The following HCRTR2 variants were observed in gnomAD, a reference collection of about 807,000 sequenced individuals.
HCRTR2 encodes the protein hypocretin receptor 2, also known as orexin receptor type 2.
Under a neutral mutation model 49.0 loss-of-function variants are expected in HCRTR2, and 22 were observed. The ratio of observed to expected loss-of-function variants is 0.45; its 90% CI spans 0.32 to 0.64. The LOEUF is 0.64. HCRTR2 is among the 30% of genes least tolerant of loss of function. The pLI is 0.04. For missense variants in HCRTR2, 491 were observed against 559.4 expected (o/e 0.88, Z 1.23); for synonymous variants, 236 against 205.3 (o/e 1.15, Z -1.28).
chr6:55,220,684 C>T (rs1028574445), intron 1 of HCRTR2, among the ~76,000 whole-genome samples: 4 of 151,982 alleles, frequency 2.6e-5, no homozygotes, highest in Non-Finnish European at 5.9e-5. Context: ...TTCTCATCAA[C>T]GTATTACTAG....
In HCRTR2 at chr6:55,280,037, A is replaced by G. The variant is rs573717538; in HGVS notation, c.984-286A>G. Reference sequence around the variant, plus strand: ...AAAGAAAATGAAATAAAGAAGATATATATTCAACTTCCATATTCTTATTTA... The same window carrying G: ...AAAGAAAATGAAATAAAGAAGATATGTATTCAACTTCCATATTCTTATTTA... On this transcript the variant is annotated intron_variant, in intron 5 of 6. Transcript: ENST00000370862. 8.9e-4 allele frequency among the ~76,000 whole-genome samples: 135 copies of G among 152,314 alleles called. 1 individual carries two copies. The highest frequency in any genetic ancestry group is 3.1e-3 in the African/African-American group (131 of 41,588).
chr6:55,127,258 A>C (rs1764294420), intron 1 of HCRTR2, among the ~76,000 whole-genome samples: 1 of 152,186 alleles, frequency 6.6e-6, no homozygotes, highest in African/African-American at 2.4e-5. Flanking sequence ...GGAGAAGCAC[A>C]GTATCTGGGC....
chr6:55,284,091 C>T (rs1324384505), downstream of HCRTR2, among the ~76,000 whole-genome samples: 2 of 152,078 alleles, frequency 1.3e-5, no homozygotes, highest in Non-Finnish European at 2.9e-5. Context: ...GATGACAGCA[C>T]TTTAAAAAGT....
intron 1 of HCRTR2, among the ~76,000 whole-genome samples, chr6:55,233,548 C>A (rs1377133481): frequency 6.6e-6 from 1 of 152,086 alleles, no homozygotes; most frequent in Non-Finnish European, 1.5e-5. Context: ...TAAAATAACA[C>A]TAGCCAGGCA....
chr6:55,270,169 T>A (rs1297694159), intron 4 of HCRTR2, among the ~76,000 whole-genome samples: 5 of 152,188 alleles, frequency 3.3e-5, no homozygotes, highest in Admixed American at 6.5e-5. Flanking sequence ...TATTAAATGA[T>A]GTGGTACTAG....
intron 1 of HCRTR2, among the ~76,000 whole-genome samples, chr6:55,246,699 T>C (rs1456000538): frequency 6.6e-6 from 1 of 152,064 alleles, no homozygotes; most frequent in Non-Finnish European, 1.5e-5. Flanking sequence ...CTCTAGTACT[T>C]AATTTTTCTT....
intron 1 of HCRTR2, among the ~76,000 whole-genome samples, chr6:55,157,286 A>T (rs923596673): frequency 6.6e-6 from 1 of 152,254 alleles, no homozygotes. Context: ...GCATCAAAAA[A>T]GCATGAAAAT....
At chr6:55,284,693 A>C (rs551768569), downstream of HCRTR2, among the ~76,000 whole-genome samples, 1 of 152,104 alleles carries the variant, frequency 6.6e-6, no homozygotes, top group African/African-American at 2.4e-5. Flanking sequence ...TTTACAAAAC[A>C]ATTGCTACTG....
intron 2 of HCRTR2, among the ~76,000 whole-genome samples, chr6:55,249,603 CA>C (rs1426533940): frequency 1.3e-5 from 2 of 152,128 alleles, no homozygotes; most frequent in African/African-American, 4.8e-5. Context: ...CATCAATTAT[CA>C]GCATCAGAAT....
chr6:55,170,266 A>G (rs1292313178), upstream of HCRTR2, among the ~76,000 whole-genome samples: 2 of 148,640 alleles, frequency 1.3e-5, no homozygotes, highest in Non-Finnish European at 3.0e-5. Context: ...ATATAAATAT[A>G]TTGTATTTAT....
At chr6:55,131,418 A>G (rs1764353438) in intron 1 of HCRTR2, among the ~76,000 whole-genome samples, 1 of 151,792 alleles carries the variant, frequency 6.6e-6, no homozygotes, top group African/African-American at 2.4e-5. Flanking sequence ...ATTTGTTTGA[A>G]CTTCTTCAAA....
chr6:55,134,063 T>A (rs553795107), intron 1 of HCRTR2, among the ~76,000 whole-genome samples: 1 of 151,950 alleles, frequency 6.6e-6, no homozygotes, highest in East Asian at 1.9e-4. Context: ...TTCTTTTTTC[T>A]TTGATTCCCC....
At chr6:55,247,678 G>C (rs934279001) in intron 1 of HCRTR2, among the ~76,000 whole-genome samples, 10 of 152,046 alleles carry the variant, frequency 6.6e-5, no homozygotes, top group Admixed American at 3.9e-4. Flanking sequence ...CAGACCGAAG[G>C]AAGACAGAGA....
chr6:55,142,037 T>C (rs1764514473), intron 1 of HCRTR2, among the ~76,000 whole-genome samples: 1 of 152,138 alleles, frequency 6.6e-6, no homozygotes, highest in Non-Finnish European at 1.5e-5. Context: ...GTTAATTAAA[T>C]AGTAAAATCA....
chr6:55,117,246 A>G lies in HCRTR2; in HGVS notation c.-378+10701A>G, dbSNP rs571106953. The stretch of plus-strand genomic sequence containing the variant: ...TTTTAAAGCACTCAAATACCTTGCT[A>G]TATTAGATATTTGTCATTGCTCTGA... On this transcript the variant is annotated intron_variant, in intron 1 of 7. Coordinates refer to the HCRTR2 transcript ENST00000615358. Among the ~76,000 whole-genome samples the G allele has an allele frequency of 7.2e-5, 11 of 151,854 alleles. No homozygotes were observed. The South Asian group carries it at 1.4e-3, about 20-fold the overall frequency.
intron 1 of HCRTR2, among the ~76,000 whole-genome samples, chr6:55,161,872 A>G (rs1764810491): frequency 6.6e-6 from 1 of 152,174 alleles, no homozygotes. Flanking sequence ...GCCCAGGACC[A>G]GATGGATTCA....
At chr6:55,180,846 C>T (rs960404529) in intron 1 of HCRTR2, among the ~76,000 whole-genome samples, 7 of 151,624 alleles carry the variant, frequency 4.6e-5, no homozygotes, top group Non-Finnish European at 1.0e-4. Context: ...GTCACCCAGA[C>T]TGGGGTGCAG....
chr6:55,280,198 A>ATATG (rs1767161694), intron 5 of HCRTR2, 125 bp from the exon 6 acceptor site: 1 of 688,268 alleles, frequency 1.5e-6, no homozygotes, highest in African/African-American at 1.8e-5. Flanking sequence ...GGGGTCAGAA[A>ATATG]CCAATCTGTG....
At chr6:55,112,679 A>T (rs1764065130) in intron 1 of HCRTR2, among the ~76,000 whole-genome samples, 1 of 152,032 alleles carries the variant, frequency 6.6e-6, no homozygotes, top group African/African-American at 2.4e-5. Context: ...ATGTTCATGG[A>T]TATGTAAACT....
Sources: allele counts gnomAD v4.1 joint callset (sites outside exome capture counted in the v4.1 genomes callset), GRCh38; gene constraint gnomAD v4.1.1; transcripts MANE v1.5; gene names NCBI Gene and HGNC (gene_info 2026-07-23, HGNC 2026-07-21).